TENM3: variants seen among roughly 807,000 people sequenced by gnomAD.
TENM3 encodes teneurin-3.
TENM3 carries 63 observed loss-of-function variants against 255.1 expected under a neutral mutation model. That is an observed-to-expected ratio of 0.25 (90% CI 0.20 to 0.30). The LOEUF is 0.30. Ranked by LOEUF, TENM3 falls within the 10% of genes least tolerant of loss-of-function variation. The pLI is 1.00. For synonymous variants in TENM3, 1,306 were observed against 1,322.3 expected (o/e 0.99, Z 0.27); for missense variants, 2,929 against 3,461.1 (o/e 0.85, Z 3.86).
intron 7 of TENM3, among the ~76,000 whole-genome samples, chr4:182,674,126 G>C (rs1310395298): frequency 1.3e-5 from 2 of 152,154 alleles, no homozygotes; most frequent in Non-Finnish European, 1.5e-5. Flanking sequence ...TGAGCCTAAA[G>C]TTATATTCAA....
chr4:182,305,672 C>T (rs745508926), intron 1 of TENM3, among the ~76,000 whole-genome samples: 1 of 152,234 alleles, frequency 6.6e-6, no homozygotes, highest in Admixed American at 6.5e-5. Flanking sequence ...TACTTCTGCA[C>T]AGCGGCTCTT....
At chr4:182,204,227 T>TA (rs2149844548) in intron 1 of TENM3, among the ~76,000 whole-genome samples, 1 of 152,342 alleles carries the variant, frequency 6.6e-6, no homozygotes, top group African/African-American at 2.4e-5. Context: ...TGGGCTCTGA[T>TA]ACAGATTTCA....
chr4:182,346,251 A>G (rs1764799273), intron 2 of TENM3, among the ~76,000 whole-genome samples: 1 of 152,120 alleles, frequency 6.6e-6, no homozygotes, highest in African/African-American at 2.4e-5. Context: ...GGGTGGGAAA[A>G]TTTTATTGTT....
chr4:181,584,448 C>T, the TENM3 span, among the ~76,000 whole-genome samples: 1 of 152,284 alleles, frequency 6.6e-6, no homozygotes, highest in Admixed American at 6.5e-5. Flanking sequence ...AACATTCCAC[C>T]TTGATGGTAA....
At chr4:181,791,474 A>G in the TENM3 span, among the ~76,000 whole-genome samples, 2 of 152,246 alleles carry the variant, frequency 1.3e-5, no homozygotes, top group African/African-American at 2.4e-5. Flanking sequence ...GTTTGTAAAC[A>G]AAGTGTGAAG....
exon 1 of TENM3, chr4:182,144,747 C>T (rs1561135439): frequency 6.8e-6 from 1 of 147,530 alleles, no homozygotes; most frequent in African/African-American, 2.5e-5. Context: ...GCGGGCGAGC[C>T]GAGCGCGGTA....
chr4:181,946,587 G>C, the TENM3 span, among the ~76,000 whole-genome samples: 1 of 152,112 alleles, frequency 6.6e-6, no homozygotes, highest in Non-Finnish European at 1.5e-5. Flanking sequence ...TCTGGGTTGA[G>C]GGCAAGGCCA....
the TENM3 span, among the ~76,000 whole-genome samples, chr4:181,500,413 AG>A: frequency 2.6e-5 from 4 of 152,014 alleles, no homozygotes; most frequent in African/African-American, 7.2e-5. Flanking sequence ...GGCTGGACAC[AG>A]GGAACAAACA....
chr4:182,483,276 ATAG>A (rs1398863983), intron 3 of TENM3, among the ~76,000 whole-genome samples: 2 of 152,222 alleles, frequency 1.3e-5, no homozygotes, highest in African/African-American at 4.8e-5. Flanking sequence ...GTTGGAATAA[ATAG>A]TAGACGTGCA....
the TENM3 span, among the ~76,000 whole-genome samples, chr4:181,567,824 C>T: frequency 2.6e-5 from 4 of 151,990 alleles, no homozygotes; most frequent in Admixed American, 2.0e-4. Context: ...TACTGCTTAC[C>T]GTACAGTTAA....
chr4:182,168,650 C>T (rs1475431054), intron 1 of TENM3, among the ~76,000 whole-genome samples: 2 of 152,154 alleles, frequency 1.3e-5, no homozygotes, highest in Admixed American at 1.3e-4. Flanking sequence ...AGTATTGAGA[C>T]TTATCCCCAC....
the TENM3 span, among the ~76,000 whole-genome samples, chr4:181,530,578 C>A: frequency 2.4e-4 from 36 of 152,258 alleles, no homozygotes; most frequent in Admixed American, 2.1e-3. Context: ...TGCTAACAGT[C>A]GTAGAATTTG....
intron 4 of TENM3, among the ~76,000 whole-genome samples, chr4:182,621,670 A>ATATATATAAAATATATAATATATAT (rs57176698): frequency 2.3e-3 from 111 of 49,056 alleles, no homozygotes; most frequent in African/African-American, 7.9e-3. Flanking sequence ...AATATGTATT[A>ATATATATAAAATATATAATATATAT]TATATATAAA....
the TENM3 span, among the ~76,000 whole-genome samples, chr4:181,943,733 G>C: frequency 6.6e-6 from 1 of 152,110 alleles, no homozygotes; most frequent in Non-Finnish European, 1.5e-5. Flanking sequence ...GCAATTATAT[G>C]CAAAGGCTTT....
chr4:182,098,226 C>G, the TENM3 span, among the ~76,000 whole-genome samples: 1 of 152,152 alleles, frequency 6.6e-6, no homozygotes, highest in Non-Finnish European at 1.5e-5. Context: ...CCCTCATACA[C>G]TATTGGTGGG....
At chr4:181,546,430 C>T in the TENM3 span, among the ~76,000 whole-genome samples, 1 of 152,116 alleles carries the variant, frequency 6.6e-6, no homozygotes, top group African/African-American at 2.4e-5. Flanking sequence ...GAAATGGCAC[C>T]TGAGGCTGAG....
the TENM3 span, among the ~76,000 whole-genome samples, chr4:181,520,379 T>C: frequency 6.6e-6 from 1 of 152,148 alleles, no homozygotes; most frequent in Non-Finnish European, 1.5e-5. Context: ...GCTCTCACTC[T>C]TTCACCTTTG....
At chr4:181,904,964 C>G in the TENM3 span, among the ~76,000 whole-genome samples, 1 of 152,138 alleles carries the variant, frequency 6.6e-6, no homozygotes, top group Non-Finnish European at 1.5e-5. Flanking sequence ...CTCTCTTTGC[C>G]TGCTGCCATC....
rs969546808 is a variant in TENM3 at position 182,615,094 on chromosome 4, A to G, written c.750-13557A>G. Among the ~76,000 whole-genome samples the G allele has an allele frequency of 2.7e-5, 4 of 147,400 alleles. No homozygotes were observed. The East Asian group carries it at 7.9e-4, about 29-fold the overall frequency. ...ATTTTTTTTTTCTTCTCCAAATAGCAGATACGTAAAGTGAAAAGAGATTAG... is the reference window on the plus strand; with the variant it reads ...ATTTTTTTTTTCTTCTCCAAATAGCGGATACGTAAAGTGAAAAGAGATTAG... On this transcript the variant is annotated intron_variant, in intron 4 of 27. Transcript: ENST00000511685.
Sources: gnomAD v4.1 joint callset for allele counts (sites outside exome capture counted in the v4.1 genomes callset) on GRCh38, gnomAD v4.1.1 for gene constraint, MANE v1.5 for transcripts, NCBI Gene and HGNC (gene_info 2026-07-23, HGNC 2026-07-21) for gene names.